LTF: variants seen among roughly 807,000 people sequenced by gnomAD.
LTF encodes epididymis luminal protein 110.
Under a neutral mutation model 87.2 loss-of-function variants are expected in LTF, and 91 were observed. The observed-to-expected ratio is 1.04, with a 90% CI of 0.88 to 1.24. LTF has a LOEUF of 1.24. Ranked by LOEUF, LTF falls within the 50% of genes most tolerant of loss-of-function variation. The pLI, the probability that LTF is intolerant of heterozygous loss-of-function variation, is 0.00. For missense variants in LTF, 901 were observed against 904.3 expected (o/e 1.00, Z 0.05); for synonymous variants, 378 against 356.1 (o/e 1.06, Z -0.69).
chr3:46,438,094 G>C lies in LTF; in HGVS notation c.1944C>G (p.Asp648Glu), dbSNP rs1413403829. 1.2e-6 allele frequency: 2 copies of C among 1,613,964 alleles called. No individual in the cohort carries two copies. The highest frequency in any genetic ancestry group is 3.3e-5 in the Admixed American group (2 of 59,950). ...TTTCAGACTGGAATAAGCAAAACTT[G>C]TCCGGGCAGTCAGATCCATTTCTCC... is the stretch of plus-strand genomic sequence containing the variant. Reference protein sequence around the residue: ...KFGRNGSDCPDKFCLFQSETK... With the variant: ...KFGRNGSDCPEKFCLFQSETK... The change falls in exon 16 of 17, where the codon GAC becomes GAG. Residue 648 changes from aspartate (D) to glutamate (E), a missense_variant. Transcript: ENST00000231751.
At chr3:46,484,691 A>C (rs1221083130) in intron 1 of LTF, among the ~76,000 whole-genome samples, 1 of 152,228 alleles carries the variant, frequency 6.6e-6, no homozygotes. Context: ...AAGAACATTA[A>C]AAGTGCCCAG....
intron 1 of LTF, among the ~76,000 whole-genome samples, chr3:46,483,783 A>G (rs1004371597): frequency 6.6e-6 from 1 of 152,172 alleles, no homozygotes; most frequent in African/African-American, 2.4e-5. Flanking sequence ...GTTAGGTGTC[A>G]GTATAAAGTT....
intron 1 of LTF, chr3:46,460,669 G>A (rs1703058929): frequency 2.2e-6 from 1 of 445,684 alleles, no homozygotes; most frequent in Admixed American, 2.4e-5. Context: ...TGATGAGAGA[G>A]TGTCCACACT....
At chr3:46,478,128 C>G (rs908677225) in intron 1 of LTF, among the ~76,000 whole-genome samples, 1 of 152,182 alleles carries the variant, frequency 6.6e-6, no homozygotes, top group Admixed American at 6.5e-5. Flanking sequence ...TTTCACTCCT[C>G]TCTCTTTTAT....
At chr3:46,456,164 A>T in intron 3 of LTF, 126 bp downstream of exon 3, 1 of 941,988 alleles carries the variant, frequency 1.1e-6, no homozygotes, top group Non-Finnish European at 1.6e-6. Context: ...GAGCCCAGCG[A>T]CTCCATTCCC....
At chr3:46,464,586 G>A (rs376159990) in intron 1 of LTF, among the ~76,000 whole-genome samples, 2 of 152,206 alleles carry the variant, frequency 1.3e-5, no homozygotes, top group South Asian at 2.1e-4. Flanking sequence ...GGCCTTTTGA[G>A]AAGCTCTGAG....
upstream of LTF, among the ~76,000 whole-genome samples, chr3:46,466,696 GA>G (rs1378723474): frequency 6.6e-6 from 1 of 152,176 alleles, no homozygotes; most frequent in Non-Finnish European, 1.5e-5. Flanking sequence ...TCATTGTTTG[GA>G]AACATGATAT....
intron 9 of LTF, 126 bp from the exon 10 acceptor site, chr3:46,447,524 A>G (rs743659): frequency 0.34 from 245,037 of 711,690 alleles, 44,514 homozygotes; most frequent in South Asian, 0.52. Context: ...GAGATGGACT[A>G]TTCAAACTGA....
intron 12 of LTF, among the ~76,000 whole-genome samples, chr3:46,443,990 A>T (rs1466125351): frequency 2.0e-5 from 3 of 152,176 alleles, no homozygotes; most frequent in Non-Finnish European, 4.4e-5. Context: ...TTTGGTATAA[A>T]GACTAGACTT....
Position 46,443,499 on chromosome 3 carries a change from C to T in LTF, c.1597G>A (p.Glu533Lys), listed in dbSNP as rs1575307808. 6.2e-7 allele frequency: 1 copy of T among 1,614,212 alleles called. No individual in the cohort carries two copies. The highest frequency in any genetic ancestry group is 1.1e-5 in the South Asian group (1 of 91,082). Residue 533 changes from glutamate to lysine, a missense_variant, in exon 13 of 17, where the codon GAG (glutamate) becomes AAG (lysine). By Grantham distance (56) the Glu-to-Lys change is moderately conservative (BLOSUM62 1). Transcript: ENST00000231751. ...TTGCTGTTGGGCACGCACTTATTCT[C>T]ACCCTGCTCGTCGCCAATACACAGA... ...CALCIGDEQGENKCVPNSNER... is the reference protein window; with the variant it reads ...CALCIGDEQGKNKCVPNSNER...
At chr3:46,461,672 T>C (rs74555215) in intron 1 of LTF, among the ~76,000 whole-genome samples, 1 of 152,054 alleles carries the variant, frequency 6.6e-6, no homozygotes, top group East Asian at 1.9e-4. Flanking sequence ...GGACCTTTAC[T>C]GGGGGGGATA....
At chr3:46,437,872 G>T in intron 16 of LTF, 68 bp downstream of exon 16, 1 of 1,262,890 alleles carries the variant, frequency 7.9e-7, no homozygotes, top group Non-Finnish European at 1.1e-6. Flanking sequence ...CTAGAATGCT[G>T]TTTGGCCCTC....
At chr3:46,445,841 A>G (rs6441993) in intron 11 of LTF, among the ~76,000 whole-genome samples, 127,447 of 152,266 alleles carry the variant, frequency 0.84, 54,033 homozygotes, top group East Asian at 1. Flanking sequence ...ACATCCAGCC[A>G]GCTAACGGCT....
upstream of LTF, chr3:46,464,975 T>G: frequency 5.7e-6 from 6 of 1,055,884 alleles, no homozygotes; most frequent in South Asian, 2.8e-5. Context: ...TAGACACCCC[T>G]TCCCTCCCCA....
chr3:46,444,602 C>A (rs771936195), intron 12 of LTF, among the ~76,000 whole-genome samples: 4 of 152,228 alleles, frequency 2.6e-5, no homozygotes, highest in Admixed American at 6.5e-5. Flanking sequence ...TGCCATGGAG[C>A]TGGTGAGGAG....
intron 16 of LTF, among the ~76,000 whole-genome samples, chr3:46,437,388 A>G (rs912227177): frequency 6.8e-6 from 1 of 148,074 alleles, no homozygotes; most frequent in Admixed American, 6.8e-5. Context: ...TGGTACAATC[A>G]TAGCTCACTG....
intron 2 of LTF, among the ~76,000 whole-genome samples, chr3:46,457,336 TCC>T (rs1232824648): frequency 1.3e-5 from 2 of 152,224 alleles, no homozygotes; most frequent in African/African-American, 4.8e-5. Context: ...TTGAATAATT[TCC>T]CCCAATGTTT....
intron 1 of LTF, among the ~76,000 whole-genome samples, chr3:46,481,811 G>A (rs1703434686): frequency 6.6e-6 from 1 of 152,182 alleles, no homozygotes; most frequent in Non-Finnish European, 1.5e-5. Flanking sequence ...CAATCACTTT[G>A]GAAAACCATT....
At position 46,443,482 on chromosome 3, in the gene LTF, G is replaced by A. The variant is rs1702572207; in HGVS notation, c.1614C>T (p.Pro538=). 6.2e-7 allele frequency: 1 copy of A among 1,614,170 alleles called. No individual in the cohort carries two copies. ...GDEQGENKCV[P]NSNERYYGYT... ...AGCCGTAGTATCTCTCGTTGCTGTT[G>A]GGCACGCACTTATTCTCACCCTGCT... The change falls in exon 13 of 17, where the codon CCC becomes CCT. Residue 538 remains proline, a synonymous_variant. Transcript: ENST00000231751.
Sources: gnomAD v4.1 joint callset for allele counts (sites outside exome capture counted in the v4.1 genomes callset) on GRCh38, gnomAD v4.1.1 for gene constraint, MANE v1.5 for transcripts, NCBI Gene and HGNC (gene_info 2026-07-23, HGNC 2026-07-21) for gene names.